Variants in IL1RAPL2 observed in about 807,000 individuals in gnomAD.
The protein encoded by IL1RAPL2 is X-linked interleukin-1 receptor accessory protein-like 2.
IL1RAPL2 carries 3 observed loss-of-function variants against 44.1 expected under a neutral mutation model. The ratio of observed to expected loss-of-function variants is 0.07; its 90% CI spans 0.03 to 0.18. The LOEUF (loss-of-function observed/expected upper bound fraction) is 0.18, where lower values mean the gene tolerates loss of function less well. Among genes scored for constraint, IL1RAPL2 ranks in the 10% least tolerant of loss-of-function variants. IL1RAPL2 has a pLI of 1.00. For synonymous variants in IL1RAPL2, 181 were observed against 178.8 expected, an observed-to-expected ratio of 1.01 and a Z score of -0.10; for missense variants, 391 against 496.4, an observed-to-expected ratio of 0.79 and a Z score of 2.02.
At chrX:105,243,605 AT>A (rs1302757097) in intron 4 of IL1RAPL2, among the ~76,000 whole-genome samples, 40 of 97,368 alleles carry the variant, frequency 4.1e-4, no homozygotes, top group Non-Finnish European at 5.6e-4. Flanking sequence ...ATATATATAT[AT>A]TTTTTTTTTA....
At chrX:104,739,729 C>G (rs1005805681) in intron 2 of IL1RAPL2, among the ~76,000 whole-genome samples, 1 of 111,752 alleles carries the variant, frequency 8.9e-6, no homozygotes, top group African/African-American at 3.3e-5. Flanking sequence ...CTACTTCTAC[C>G]AATTTTCATG....
intron 2 of IL1RAPL2, among the ~76,000 whole-genome samples, chrX:105,001,624 A>G (rs2030852247): frequency 9.0e-6 from 1 of 111,594 alleles, no homozygotes; most frequent in African/African-American, 3.3e-5. Context: ...AATCAAACAG[A>G]CTCAAGAATA....
At chrX:104,618,461 A>T (rs755138477) in intron 1 of IL1RAPL2, among the ~76,000 whole-genome samples, 3 of 112,027 alleles carry the variant, frequency 2.7e-5, no homozygotes, top group Non-Finnish European at 3.8e-5. Context: ...CTACGTATGG[A>T]GCTGAGAAAC....
At chrX:105,030,560 A>G (rs955112192) in intron 2 of IL1RAPL2, among the ~76,000 whole-genome samples, 5 of 111,526 alleles carry the variant, frequency 4.5e-5, no homozygotes, top group Non-Finnish European at 9.4e-5. Flanking sequence ...GGTTGTAGAT[A>G]TGCACCATTA....
At chrX:105,019,553 A>C (rs2031247516) in intron 2 of IL1RAPL2, among the ~76,000 whole-genome samples, 1 of 111,862 alleles carries the variant, frequency 8.9e-6, no homozygotes, top group East Asian at 2.8e-4. Context: ...TTGAAACATA[A>C]CAGTTAAAGG....
chrX:105,690,935 T>C (rs1340780690), intron 6 of IL1RAPL2, among the ~76,000 whole-genome samples: 1 of 111,158 alleles, frequency 9.0e-6, no homozygotes, highest in Non-Finnish European at 1.9e-5. Context: ...GCCAGCAAGA[T>C]AGGTTTTATT....
chrX:105,757,586 T>C (rs2038650004), intron 10 of IL1RAPL2, among the ~76,000 whole-genome samples: 1 of 111,844 alleles, frequency 8.9e-6, no homozygotes, highest in South Asian at 3.7e-4. Flanking sequence ...TAGAAAATTC[T>C]TTTAATGCTT....
rs111908050 is a variant in IL1RAPL2 at position 105,358,123 on chromosome X, A to G, written c.697+90582A>G. 6.2e-3 allele frequency among the ~76,000 whole-genome samples: 677 copies of G among 108,933 alleles called. 3 individuals are homozygous for G. Among genetic ancestry groups the G allele is most frequent in the Non-Finnish European group, 0.011 (562 of 52,335 alleles). 94.6% of individuals were successfully genotyped at this position (108,933 alleles called of 115,157 possible). ...TGGAGAATGGAGAATAGTTGAAGAA[A>G]GTGCAGTACAGAGGTTTAGGCAAGT... On this transcript the variant is annotated intron_variant, in intron 5 of 10. Coordinates refer to ENST00000372582, the MANE Select transcript of IL1RAPL2 (RefSeq NM_017416.2).
chrX:105,471,139 G>A (rs1349087336), intron 5 of IL1RAPL2, among the ~76,000 whole-genome samples: 1 of 111,799 alleles, frequency 8.9e-6, no homozygotes, highest in African/African-American at 3.2e-5. Context: ...TATGTACCAG[G>A]CCTCTGCCTA....
intron 3 of IL1RAPL2, among the ~76,000 whole-genome samples, chrX:105,207,260 T>A (rs2147618060): frequency 9.0e-6 from 1 of 111,382 alleles, no homozygotes; most frequent in African/African-American, 3.3e-5. Context: ...ATGATAGGGC[T>A]CCTGACTTAT....
At chrX:104,604,565 T>C (rs1261913228) in intron 1 of IL1RAPL2, among the ~76,000 whole-genome samples, 3 of 97,983 alleles carry the variant, frequency 3.1e-5, no homozygotes, top group Non-Finnish European at 5.9e-5. Context: ...AAGACCCATC[T>C]CATGTGCAAA....
intron 2 of IL1RAPL2, among the ~76,000 whole-genome samples, chrX:105,186,168 G>A (rs1483029770): frequency 9.0e-6 from 1 of 111,130 alleles, no homozygotes; most frequent in East Asian, 2.8e-4. Context: ...AGGGGAGAGG[G>A]TCCTGAAACC....
intron 2 of IL1RAPL2, among the ~76,000 whole-genome samples, chrX:104,706,861 C>G (rs1384409288): frequency 2.7e-5 from 3 of 111,401 alleles, no homozygotes; most frequent in African/African-American, 9.8e-5. Flanking sequence ...GAAAGTACAC[C>G]TGCCTTTGCT....
chrX:105,721,941 T>C (rs1029160940), intron 7 of IL1RAPL2, among the ~76,000 whole-genome samples: 3 of 112,282 alleles, frequency 2.7e-5, no homozygotes, highest in Non-Finnish European at 1.9e-5. Context: ...TACAGGCACA[T>C]ACCACCATGC....
At chrX:105,385,215 C>A (rs1311040769) in intron 5 of IL1RAPL2, among the ~76,000 whole-genome samples, 1 of 110,997 alleles carries the variant, frequency 9.0e-6, no homozygotes, top group African/African-American at 3.3e-5. Flanking sequence ...CAGTTTTCCC[C>A]CATTTAGTAT....
chrX:105,383,049 A>T (rs1225449410), intron 5 of IL1RAPL2, among the ~76,000 whole-genome samples: 1 of 109,289 alleles, frequency 9.2e-6, no homozygotes, highest in African/African-American at 3.3e-5. Context: ...CAGCACACGA[A>T]CATGGCACAT....
At chrX:104,702,338 T>A (rs1931290562) in intron 2 of IL1RAPL2, among the ~76,000 whole-genome samples, 1 of 111,995 alleles carries the variant, frequency 8.9e-6, no homozygotes, top group African/African-American at 3.2e-5. Flanking sequence ...AATAGAAACA[T>A]CTGTTTGCTT....
At chrX:104,635,595 A>G (rs1204075597) in intron 1 of IL1RAPL2, among the ~76,000 whole-genome samples, 2 of 111,116 alleles carry the variant, frequency 1.8e-5, no homozygotes, top group African/African-American at 3.3e-5. Context: ...CATTCATTTG[A>G]TCTTCCATCA....
At chrX:105,288,841 C>A (rs1166911301) in intron 5 of IL1RAPL2, among the ~76,000 whole-genome samples, 2 of 110,658 alleles carry the variant, frequency 1.8e-5, no homozygotes, top group African/African-American at 6.6e-5. Context: ...AAGCCACTTT[C>A]TTTTATTTCA....
Sources: allele counts gnomAD v4.1 joint callset (sites outside exome capture counted in the v4.1 genomes callset), GRCh38; gene constraint gnomAD v4.1.1; transcripts MANE v1.5; gene names NCBI Gene and HGNC (gene_info 2026-07-23, HGNC 2026-07-21).